GPHN: variants seen among roughly 807,000 people sequenced by gnomAD.
The protein encoded by GPHN is gephyrin.
In GPHN, 17 loss-of-function variants were observed where a neutral mutation model predicts 95.5. That is an observed-to-expected ratio of 0.18 (90% CI 0.12 to 0.27). The LOEUF is 0.27. GPHN is among the 10% of genes least tolerant of loss of function. The pLI, the probability that GPHN is intolerant of heterozygous loss-of-function variation, is 1.00. For missense variants in GPHN, 660 were observed against 978.1 expected, an observed-to-expected ratio of 0.67 and a Z score of 4.34; for synonymous variants, 320 against 322.5, an observed-to-expected ratio of 0.99 and a Z score of 0.08.
chr14:67,689,526 A>G, the GPHN span, among the ~76,000 whole-genome samples: 5 of 152,206 alleles, frequency 3.3e-5, no homozygotes, highest in Admixed American at 6.5e-5. Flanking sequence ...GTGCCAGTTC[A>G]GGTCCTTCCC....
intron 2 of GPHN, among the ~76,000 whole-genome samples, chr14:66,711,802 C>G (rs1212905289): frequency 2.7e-5 from 4 of 150,548 alleles, no homozygotes; most frequent in Admixed American, 1.3e-4. Flanking sequence ...TGTGTGTTCT[C>G]GTTGTTCAAT....
the GPHN span, among the ~76,000 whole-genome samples, chr14:67,537,027 G>A: frequency 0.084 from 12,668 of 150,338 alleles, 629 homozygotes; most frequent in East Asian, 0.13. Context: ...GTGACAGAGC[G>A]AGACTCCATC....
intron 16 of GPHN, among the ~76,000 whole-genome samples, chr14:67,121,465 T>C (rs997905182): frequency 1.3e-5 from 2 of 152,180 alleles, no homozygotes; most frequent in African/African-American, 2.4e-5. Context: ...TCCTAACAAT[T>C]ACCTTGCAAG....
the GPHN span, among the ~76,000 whole-genome samples, chr14:67,378,284 C>T: frequency 1.3e-5 from 2 of 149,182 alleles, no homozygotes; most frequent in African/African-American, 2.5e-5. Context: ...ATCTGGGGTT[C>T]CAAATCCCTT....
At chr14:67,621,634 G>A in the GPHN span, among the ~76,000 whole-genome samples, 1 of 151,534 alleles carries the variant, frequency 6.6e-6, no homozygotes, top group Non-Finnish European at 1.5e-5. Flanking sequence ...TAGTAGACAC[G>A]GGGTTTCACC....
intron 4 of GPHN, among the ~76,000 whole-genome samples, chr14:66,834,800 C>G (rs1269895528): frequency 1.4e-5 from 2 of 146,330 alleles, no homozygotes; most frequent in Non-Finnish European, 3.0e-5. Context: ...CCCTCTTTTT[C>G]TATTGATTGG....
chr14:66,834,812 A>T (rs1397094577), intron 4 of GPHN, among the ~76,000 whole-genome samples: 5 of 144,682 alleles, frequency 3.5e-5, no homozygotes. Context: ...ATTGATTGGA[A>T]TAGTTTCAGA....
At chr14:67,357,067 C>T in the GPHN span, among the ~76,000 whole-genome samples, 10 of 152,160 alleles carry the variant, frequency 6.6e-5, no homozygotes, top group African/African-American at 2.2e-4. Context: ...CTAAGAGCAG[C>T]GTGCACACTT....
chr14:67,480,503 C>T, the GPHN span, among the ~76,000 whole-genome samples: 1 of 152,162 alleles, frequency 6.6e-6, no homozygotes, highest in East Asian at 1.9e-4. Flanking sequence ...CACAGCCTCT[C>T]ACCCCCTCAT....
the GPHN span, chr14:67,588,130 T>C: frequency 6.6e-6 from 1 of 152,652 alleles, no homozygotes; most frequent in Non-Finnish European, 1.5e-5. Flanking sequence ...TTCAAGCTGT[T>C]TTCCTCACAC....
At chr14:66,783,554 C>T (rs2059676311) in intron 3 of GPHN, among the ~76,000 whole-genome samples, 2 of 152,128 alleles carry the variant, frequency 1.3e-5, no homozygotes, top group Non-Finnish European at 2.9e-5. Context: ...CTTTCCTTTC[C>T]CACGTAAGTG....
the GPHN span, among the ~76,000 whole-genome samples, chr14:67,603,230 A>C: frequency 6.6e-6 from 1 of 152,046 alleles, no homozygotes; most frequent in African/African-American, 2.4e-5. Context: ...CTACCACATC[A>C]GGCTAATTTT....
At chr14:67,308,315 T>A in the GPHN span, among the ~76,000 whole-genome samples, 1 of 65,652 alleles carries the variant, frequency 1.5e-5, no homozygotes, top group Non-Finnish European at 2.9e-5. Flanking sequence ...CCAAACTTCC[T>A]TTTTTTTTTT....
At chr14:67,350,516 A>C in the GPHN span, 1 of 1,067,386 alleles carries the variant, frequency 9.4e-7, no homozygotes, top group Non-Finnish European at 1.4e-6. Context: ...TTTGTCCTTA[A>C]CGCTTATTTC....
At chr14:67,169,323 G>A (rs2082465204) in intron 21 of GPHN, among the ~76,000 whole-genome samples, 3 of 152,278 alleles carry the variant, frequency 2.0e-5, no homozygotes, top group South Asian at 4.1e-4. Context: ...ACAGTCAATA[G>A]GATATATCTG....
In GPHN at chr14:66,976,127, C is replaced by T. The variant is rs180973244; in HGVS notation, c.963+10802C>T. Among the ~76,000 whole-genome samples, 19 of 152,208 alleles carry T rather than the reference C, an allele frequency of 1.2e-4. No homozygotes were observed. In the East Asian group the frequency reaches 3.7e-3, roughly 29 times the overall value. ...GTTCTAGTACATAAAGTACTAGAGA[C>T]AGAGATTATTAACAGAAAATGTTCT... On this transcript the variant is annotated intron_variant, in intron 9 of 22. Coordinates refer to ENST00000478722, the MANE Select transcript of GPHN (RefSeq NM_020806.5).
At chr14:67,198,345 T>A in the GPHN span, 1 of 1,586,996 alleles carries the variant, frequency 6.3e-7, no homozygotes, top group African/African-American at 1.3e-5. Flanking sequence ...AGGCCTGAGT[T>A]AAGTTCCAAT....
chr14:67,340,162 T>C, the GPHN span: 1 of 325,624 alleles, frequency 3.1e-6, no homozygotes, highest in African/African-American at 2.1e-5. Flanking sequence ...CACTACTGCA[T>C]TTGACTATCT....
At chr14:67,086,793 T>C (rs1406126346) in intron 11 of GPHN, among the ~76,000 whole-genome samples, 3 of 150,640 alleles carry the variant, frequency 2.0e-5, no homozygotes, top group Non-Finnish European at 4.4e-5. Flanking sequence ...AATCTCAGCA[T>C]TTTGGGAGGC....
Sources: allele counts gnomAD v4.1 joint callset (sites outside exome capture counted in the v4.1 genomes callset), GRCh38; gene constraint gnomAD v4.1.1; transcripts MANE v1.5; gene names NCBI Gene and HGNC (gene_info 2026-07-23, HGNC 2026-07-21).